LSAMP: variants seen among roughly 807,000 people sequenced by gnomAD.
LSAMP encodes limbic system associated membrane protein.
In LSAMP, 7 loss-of-function variants were observed where a neutral mutation model predicts 38.6. The ratio of observed to expected loss-of-function variants is 0.18; its 90% confidence interval spans 0.10 to 0.34. The LOEUF is 0.34. Ranked by LOEUF, LSAMP falls within the 10% of genes least tolerant of loss-of-function variation. LSAMP has a pLI of 1.00. For missense variants in LSAMP, 313 were observed against 420.0 expected (o/e 0.75, Z 2.23); for synonymous variants, 154 against 166.8 (o/e 0.92, Z 0.59).
intron 4 of LSAMP, among the ~76,000 whole-genome samples, chr3:115,848,230 C>A (rs116882856): frequency 6.6e-6 from 1 of 152,254 alleles, no homozygotes; most frequent in East Asian, 1.9e-4. Flanking sequence ...TTGAGATCAG[C>A]CTGGTCAACA....
intron 3 of LSAMP, among the ~76,000 whole-genome samples, chr3:115,927,640 C>T (rs1937518700): frequency 6.6e-6 from 1 of 152,200 alleles, no homozygotes; most frequent in South Asian, 2.1e-4. Context: ...CCTGCCCTTG[C>T]TCACTCTGCT....
intron 1 of LSAMP, among the ~76,000 whole-genome samples, chr3:116,150,808 G>A (rs1709593056): frequency 6.6e-6 from 1 of 151,858 alleles, no homozygotes; most frequent in African/African-American, 2.4e-5. Context: ...AAATTATGAG[G>A]ATGTAATGGC....
chr3:116,152,812 A>G (rs1265786697), intron 1 of LSAMP, among the ~76,000 whole-genome samples: 2 of 152,000 alleles, frequency 1.3e-5, no homozygotes, highest in Non-Finnish European at 2.9e-5. Flanking sequence ...AGAAATATGT[A>G]CACACACACA....
At chr3:116,070,536 T>G (rs1388088803) in intron 2 of LSAMP, among the ~76,000 whole-genome samples, 1 of 152,144 alleles carries the variant, frequency 6.6e-6, no homozygotes, top group Non-Finnish European at 1.5e-5. Context: ...CAGTAAATGG[T>G]TAAAGGAGCA....
intron 1 of LSAMP, among the ~76,000 whole-genome samples, chr3:116,415,160 T>C (rs1164846958): frequency 6.6e-6 from 1 of 152,096 alleles, no homozygotes. Context: ...CCCATTGCAA[T>C]AGTCTTTCTA....
At chr3:115,884,177 T>C (rs1477520176) in intron 3 of LSAMP, among the ~76,000 whole-genome samples, 1 of 152,030 alleles carries the variant, frequency 6.6e-6, no homozygotes, top group Non-Finnish European at 1.5e-5. Flanking sequence ...TCTATGTATA[T>C]ATAAAAGATG....
At chr3:115,846,172 G>C (rs555306827) in intron 4 of LSAMP, among the ~76,000 whole-genome samples, 157 of 152,222 alleles carry the variant, frequency 1.0e-3, no homozygotes, top group African/African-American at 3.6e-3. Context: ...TTCAAAATAT[G>C]GTTATAATAA....
intron 3 of LSAMP, among the ~76,000 whole-genome samples, chr3:115,895,452 A>G (rs1936705160): frequency 6.6e-6 from 1 of 152,118 alleles, no homozygotes; most frequent in African/African-American, 2.4e-5. Context: ...AAACTGGCTG[A>G]TTACTAGAAC....
chr3:115,822,649 T>C (rs933798365), intron 6 of LSAMP, among the ~76,000 whole-genome samples: 1 of 152,162 alleles, frequency 6.6e-6, no homozygotes, highest in African/African-American at 2.4e-5. Flanking sequence ...TGTGAGCCAC[T>C]GCCCCCGGCC....
At chr3:116,061,895 T>C (rs1345038533) in intron 2 of LSAMP, among the ~76,000 whole-genome samples, 1 of 152,188 alleles carries the variant, frequency 6.6e-6, no homozygotes, top group African/African-American at 2.4e-5. Context: ...AATTCAAGGA[T>C]ATTATTGCTA....
intron 1 of LSAMP, among the ~76,000 whole-genome samples, chr3:116,281,400 T>C (rs905519390): frequency 3.3e-5 from 5 of 152,184 alleles, no homozygotes; most frequent in Non-Finnish European, 7.3e-5. Context: ...TCATGACAAT[T>C]ACTCATTTTA....
intron 1 of LSAMP, among the ~76,000 whole-genome samples, chr3:116,195,733 T>C (rs1208115176): frequency 1.4e-5 from 2 of 144,228 alleles, no homozygotes; most frequent in Non-Finnish European, 3.1e-5. Flanking sequence ...AAAAAAAACA[T>C]TTAAAGGAAA....
chr3:116,322,300 AT>A (rs995867271), intron 1 of LSAMP, among the ~76,000 whole-genome samples: 1 of 152,212 alleles, frequency 6.6e-6, no homozygotes, highest in Non-Finnish European at 1.5e-5. Flanking sequence ...ATAAAAGTAC[AT>A]TTTGTTATAT....
chr3:115,893,664 C>G (rs374461204), intron 3 of LSAMP, among the ~76,000 whole-genome samples: 3 of 151,874 alleles, frequency 2.0e-5, no homozygotes, highest in East Asian at 3.9e-4. Context: ...TATGAAGAAG[C>G]AATCAAAAAT....
chr3:116,367,738 A>G (rs1164693918), intron 1 of LSAMP, among the ~76,000 whole-genome samples: 1 of 151,574 alleles, frequency 6.6e-6, no homozygotes, highest in East Asian at 1.9e-4. Context: ...CGAACTCCTG[A>G]CCTCAGGTAA....
intron 1 of LSAMP, among the ~76,000 whole-genome samples, chr3:116,137,968 G>A (rs1452355863): frequency 6.6e-6 from 1 of 152,110 alleles, no homozygotes; most frequent in Non-Finnish European, 1.5e-5. Context: ...CAAGAGCTAA[G>A]GAAAACAAAG....
chr3:116,261,390 T>C (rs2046823397), intron 1 of LSAMP, among the ~76,000 whole-genome samples: 1 of 152,200 alleles, frequency 6.6e-6, no homozygotes, highest in Non-Finnish European at 1.5e-5. Flanking sequence ...CATAATAGCA[T>C]GTGTCTGTTG....
intron 1 of LSAMP, among the ~76,000 whole-genome samples, chr3:116,428,026 G>C (rs942929795): frequency 6.6e-6 from 1 of 152,086 alleles, no homozygotes; most frequent in African/African-American, 2.4e-5. Flanking sequence ...CATTCCATAT[G>C]TCTTTTTGTA....
chr3:116,278,929 G>A (rs940046880), intron 1 of LSAMP, among the ~76,000 whole-genome samples: 3 of 152,142 alleles, frequency 2.0e-5, no homozygotes, highest in Non-Finnish European at 4.4e-5. Context: ...GGGCAGCCAA[G>A]GAAACTCCTA....
Sources: allele counts gnomAD v4.1 joint callset (sites outside exome capture counted in the v4.1 genomes callset), GRCh38; gene constraint gnomAD v4.1.1; transcripts MANE v1.5; gene names NCBI Gene and HGNC (gene_info 2026-07-23, HGNC 2026-07-21).